Variants in SUPT3H observed in about 807,000 individuals in gnomAD.
SUPT3H encodes transcription initiation protein SPT3 homolog.
SUPT3H carries 44 observed loss-of-function variants against 44.3 expected under a neutral mutation model. The ratio of observed to expected loss-of-function variants is 0.99; its 90% confidence interval spans 0.78 to 1.28. SUPT3H has a LOEUF of 1.28. Among genes scored for constraint, SUPT3H ranks in the 50% most tolerant of loss-of-function variants. SUPT3H has a pLI of 0.00. For missense variants in SUPT3H, 380 were observed against 387.1 expected, an observed-to-expected ratio of 0.98 and a Z score of 0.15; for synonymous variants, 124 against 125.6, an observed-to-expected ratio of 0.99 and a Z score of 0.09.
intron 8 of SUPT3H, among the ~76,000 whole-genome samples, chr6:44,953,761 C>T (rs545715365): frequency 3.3e-5 from 5 of 152,108 alleles, no homozygotes; most frequent in South Asian, 4.2e-4. Flanking sequence ...AATGGAGTTT[C>T]GCTCTTGTTG....
At chr6:45,210,188 G>A (rs1459547317) in intron 2 of SUPT3H, among the ~76,000 whole-genome samples, 1 of 152,182 alleles carries the variant, frequency 6.6e-6, no homozygotes, top group South Asian at 2.1e-4. Flanking sequence ...GTTGGAGACT[G>A]TTAGGCAAAT....
At chr6:45,022,677 C>T (rs1242346804) in intron 3 of SUPT3H, among the ~76,000 whole-genome samples, 1 of 151,970 alleles carries the variant, frequency 6.6e-6, no homozygotes, top group African/African-American at 2.4e-5. Flanking sequence ...CCAAGGCCTG[C>T]CTATCCCGGA....
chr6:45,271,735 C>T (rs1439754363), intron 2 of SUPT3H, among the ~76,000 whole-genome samples: 1 of 152,146 alleles, frequency 6.6e-6, no homozygotes, highest in Non-Finnish European at 1.5e-5. Flanking sequence ...CCTCTAGACC[C>T]CAGTATGACA....
At chr6:45,099,257 A>T (rs1238051688) in intron 3 of SUPT3H, 2 of 193,834 alleles carry the variant, frequency 1.0e-5, no homozygotes, top group Admixed American at 1.2e-4. Flanking sequence ...AAAACATAGG[A>T]AACCCTAGCA....
rs564080386 is a variant in SUPT3H at position 44,902,005 on chromosome 6, A to C, written c.912+30648T>G. ...TTTTGTCACCACCAGGCCTGCCCTA[A>C]AAGAGCTCCTGAAGGAAGCACTAAA... On this transcript the variant is annotated intron_variant, in intron 10 of 10. Coordinates refer to ENST00000371459, the MANE Select transcript of SUPT3H (RefSeq NM_003599.4). 4.9e-3 allele frequency among the ~76,000 whole-genome samples: 750 copies of C among 152,212 alleles called. 5 individuals carry two copies. The highest frequency in any genetic ancestry group is 0.017 in the African/African-American group (716 of 41,536).
chr6:45,344,937 G>A (rs1790545129), intron 2 of SUPT3H, among the ~76,000 whole-genome samples: 1 of 152,080 alleles, frequency 6.6e-6, no homozygotes, highest in Non-Finnish European at 1.5e-5. Flanking sequence ...TAGTTGCCAT[G>A]GACTATGCTC....
At chr6:45,310,760 G>C (rs900437786) in intron 2 of SUPT3H, among the ~76,000 whole-genome samples, 1 of 152,084 alleles carries the variant, frequency 6.6e-6, no homozygotes, top group Non-Finnish European at 1.5e-5. Flanking sequence ...CCCCCTGTGG[G>C]ACAAAAAAAT....
At chr6:45,114,179 A>G (rs1284983) in intron 2 of SUPT3H, among the ~76,000 whole-genome samples, 97,587 of 151,866 alleles carry the variant, frequency 0.64, 32,181 homozygotes, top group African/African-American at 0.8. Context: ...AATACCTACA[A>G]GTATTAATCA....
At chr6:45,293,951 TAGAG>T (rs1780710050) in intron 2 of SUPT3H, among the ~76,000 whole-genome samples, 2 of 152,072 alleles carry the variant, frequency 1.3e-5, no homozygotes, top group African/African-American at 2.4e-5. Context: ...TTCTACAAGA[TAGAG>T]AAAGAGGGAA....
chr6:44,897,325 T>G (rs552215064), intron 10 of SUPT3H, among the ~76,000 whole-genome samples: 1 of 152,372 alleles, frequency 6.6e-6, no homozygotes, highest in South Asian at 2.1e-4. Flanking sequence ...TACAGTCCAT[T>G]AGTCATCCTA....
intron 9 of SUPT3H, among the ~76,000 whole-genome samples, chr6:44,933,635 C>T (rs959897524): frequency 1.3e-5 from 2 of 152,124 alleles, no homozygotes; most frequent in African/African-American, 4.8e-5. Flanking sequence ...ATGCCTGACA[C>T]ATGCTAGGAA....
At chr6:45,216,370 AAATT>A (rs1364846164) in intron 2 of SUPT3H, among the ~76,000 whole-genome samples, 1 of 152,206 alleles carries the variant, frequency 6.6e-6, no homozygotes, top group Non-Finnish European at 1.5e-5. Flanking sequence ...ACTGTAAAAA[AAATT>A]AATAAAGGAA....
intron 2 of SUPT3H, among the ~76,000 whole-genome samples, chr6:45,132,695 C>CA (rs1803655775): frequency 6.6e-6 from 1 of 152,084 alleles, no homozygotes; most frequent in Non-Finnish European, 1.5e-5. Context: ...GAAAATAACC[C>CA]ATCTGAATTT....
intron 10 of SUPT3H, among the ~76,000 whole-genome samples, chr6:44,906,134 T>C (rs1322802423): frequency 6.6e-6 from 1 of 152,226 alleles, no homozygotes; most frequent in Non-Finnish European, 1.5e-5. Context: ...GTAACTAACC[T>C]GCACATTGTG....
At chr6:45,022,851 G>A (rs916841290) in intron 3 of SUPT3H, among the ~76,000 whole-genome samples, 3 of 151,986 alleles carry the variant, frequency 2.0e-5, no homozygotes, top group African/African-American at 7.3e-5. Context: ...TGGAACCTGT[G>A]TATCCAAAAA....
At chr6:45,377,449 C>G (rs1399343459) in intron 1 of SUPT3H, 1 of 152,370 alleles carries the variant, frequency 6.6e-6, no homozygotes, top group Non-Finnish European at 1.5e-5. Context: ...ACTACCTAGA[C>G]GACCCGCGCA....
At chr6:45,370,487 T>A (rs1457863543) in intron 1 of SUPT3H, among the ~76,000 whole-genome samples, 1 of 152,092 alleles carries the variant, frequency 6.6e-6, no homozygotes, top group Admixed American at 6.5e-5. Flanking sequence ...TTGTGAGAGA[T>A]GTTGTAAAGC....
intron 2 of SUPT3H, among the ~76,000 whole-genome samples, chr6:45,125,369 T>A (rs1053023570): frequency 1.3e-5 from 2 of 152,060 alleles, no homozygotes; most frequent in Non-Finnish European, 2.9e-5. Flanking sequence ...CTACCAAACA[T>A]TTTTTTTCTA....
At chr6:45,223,832 G>A (rs1766462492) in intron 2 of SUPT3H, among the ~76,000 whole-genome samples, 1 of 151,182 alleles carries the variant, frequency 6.6e-6, no homozygotes, top group African/African-American at 2.4e-5. Context: ...AATTTACTAT[G>A]AAGCACTAAA....
Sources: allele counts gnomAD v4.1 joint callset (sites outside exome capture counted in the v4.1 genomes callset), GRCh38; gene constraint gnomAD v4.1.1; transcripts MANE v1.5; gene names NCBI Gene and HGNC (gene_info 2026-07-23, HGNC 2026-07-21).